Variants in CFAP65 observed in about 807,000 individuals in gnomAD.
The protein encoded by CFAP65 is cilia- and flagella-associated protein 65.
Under a neutral mutation model 208.0 loss-of-function variants are expected in CFAP65, and 155 were observed. The observed-to-expected ratio is 0.75, with a 90% CI of 0.65 to 0.85. The LOEUF (loss-of-function observed/expected upper bound fraction) is 0.85, where lower values mean the gene tolerates loss of function less well. Ranked by LOEUF, CFAP65 falls within the 40% of genes least tolerant of loss-of-function variation. The pLI is 0.00. For missense variants in CFAP65, 2,294 were observed against 2,451.3 expected (o/e 0.94, Z 1.36); for synonymous variants, 970 against 986.3 (o/e 0.98, Z 0.31).
chr2:219,040,858 T>G (rs538895752), intron 1 of CFAP65, among the ~76,000 whole-genome samples: 1 of 152,306 alleles, frequency 6.6e-6, no homozygotes, highest in Non-Finnish European at 1.5e-5. Flanking sequence ...TAGGCAAATT[T>G]CTCCATCTCC....
At chr2:219,030,917 T>A (rs1315576278) in intron 8 of CFAP65, 83 bp from the exon 9 acceptor site, 1 of 1,526,926 alleles carries the variant, frequency 6.5e-7, no homozygotes, top group African/African-American at 1.4e-5. Flanking sequence ...AGAAGGCAGG[T>A]GGCCCCAGGG....
chr2:219,030,647 C>A, intron 9 of CFAP65, 42 bp downstream of exon 9: 1 of 1,596,618 alleles, frequency 6.3e-7, no homozygotes, highest in Non-Finnish European at 8.5e-7. Flanking sequence ...AATTCCAATC[C>A]TGGGGGCGTG....
chr2:219,023,460 C>T (rs1305432621), intron 15 of CFAP65, 29 bp from the exon 16 acceptor site: 10 of 1,478,612 alleles, frequency 6.8e-6, no homozygotes, highest in Admixed American at 2.0e-5. Context: ...GGGCAGTGCC[C>T]TGACCTCACT....
At chr2:219,014,748 G>A (rs1339661643) in intron 21 of CFAP65, 2 of 152,534 alleles carry the variant, frequency 1.3e-5, no homozygotes, top group African/African-American at 4.8e-5. Flanking sequence ...ACACCTGAGA[G>A]AAAGCGCACA....
In CFAP65 at chr2:219,011,574, G is replaced by A. The variant is rs565400468; in HGVS notation, c.3958-578C>T. Among the ~76,000 whole-genome samples the A allele has an allele frequency of 5.1e-4, 78 of 152,216 alleles. 1 individual carries two copies. The highest frequency in any genetic ancestry group is 1.8e-3 in the African/African-American group (74 of 41,536). On this transcript the variant is annotated intron_variant, in intron 24 of 34. Transcript: ENST00000341552. ...TGGGATTACAGGCTTGAGCCACTGC[G>A]CCTGGCCAAGGGAGTTCTGCTTAAA...
rs549936534 is a variant in CFAP65 at position 219,039,012 on chromosome 2, T to C, written c.37A>G (p.Thr13Ala). 12 of 1,613,194 alleles carry C rather than the reference T, an allele frequency of 7.4e-6. No homozygotes were observed. The highest frequency in any genetic ancestry group is 5.0e-5 in the Admixed American group (3 of 59,898). ...TLTGCRLVEK[T>A]QKVENPSVSF... ...ACTGATGGATTCTCCACCTTCTGGG[T>C]TTTCTCCACCAGTCTACAACCGGTT... Residue 13 changes from threonine (T) to alanine (A), a missense_variant, in exon 3 of 35, where the codon ACC becomes GCC. Coordinates refer to ENST00000341552, the MANE Select transcript of CFAP65 (RefSeq NM_194302.4).
Position 219,032,681 on chromosome 2 carries a change from C to A in CFAP65, c.543-109G>T, listed in dbSNP as rs2106244608. The stretch of plus-strand genomic sequence containing the variant: ...CCAAGGGAGCTTGAGTCCCTGGGAC[C>A]ACAGAGAAAGCGATCAGGAGATGAG... On this transcript the variant is annotated intron_variant, in intron 5 of 34. Transcript: ENST00000341552. This position sits in a 1 kb window ranked among gnomAD's most constrained non-coding sequence, Gnocchi z 5.5. 1.1e-6 allele frequency: 1 copy of A among 934,702 alleles called. No individual in the cohort carries two copies. Among genetic ancestry groups the A allele is most frequent in the Non-Finnish European group, 1.6e-6 (1 of 622,310 alleles). 57.9% of individuals were successfully genotyped at this position (934,702 alleles called of 1,614,324 possible).
At chr2:219,027,569 G>A (rs560510871) in intron 13 of CFAP65, 81 bp downstream of exon 13, 9 of 1,612,986 alleles carry the variant, frequency 5.6e-6, no homozygotes, top group East Asian at 4.5e-5. Flanking sequence ...AGCTGCCCTC[G>A]GTCACTTCCT....
Position 219,006,078 on chromosome 2 carries a change from G to C in CFAP65, c.4865C>G (p.Ala1622Gly). The change falls in exon 31 of 35, where the codon GCC becomes GGC. Residue 1622 changes from alanine to glycine, a missense_variant. Around this residue, in one of 2 missense-constraint regions of CFAP65, gnomAD observed 1,427 missense variants for 1,438.7 expected, o/e 0.99. Transcript: ENST00000341552. ...LCLGLTARAH[A>G]TDYFLANFFS... is the part of the protein sequence containing the mutation. ...GAAGTTAGCCAGAAAGTAGTCGGTG[G>C]CATGGGCTCGGGCAGTAAGGCCCAG... The C allele has an allele frequency of 1.9e-6, 3 of 1,613,542 alleles. No individual in the cohort carries two copies. Among genetic ancestry groups the C allele is most frequent in the Non-Finnish European group, 2.5e-6 (3 of 1,180,030 alleles).
In CFAP65 at chr2:219,029,508, G is replaced by A. The variant is rs757533212; in HGVS notation, c.1545C>T (p.Ala515=). 9.9e-6 allele frequency: 16 copies of A among 1,613,984 alleles called. No individual in the cohort carries two copies. The African/African-American group carries it at 1.6e-4, about 16-fold the overall frequency. The change falls in exon 11 of 35, where the codon GCC becomes GCT. Residue 515 remains alanine, a synonymous_variant. Transcript: ENST00000341552. ...GGGCCTTGCCCACCAGCGTCCCAAA[G>A]GCAGGCCTGATGGTAAAGACACTCT... ...CLESVFTIRP[A]FGTLVGKARM...
At position 219,031,477 on chromosome 2, in the gene CFAP65, C is replaced by A; in HGVS notation, c.815+12G>T. ...TCTTGCTCTCCCCGCCGCACCTCAG[C>A]CTCTTCCTCACCCCACATTATCCAG... is the stretch of plus-strand genomic sequence containing the variant. On this transcript the variant is annotated intron_variant, in intron 7 of 34. Transcript: ENST00000341552. The surrounding 1 kb of genome is among the most constrained non-coding windows in gnomAD (Gnocchi z 5.2). The A allele has an allele frequency of 6.2e-7, 1 of 1,614,194 alleles. No homozygotes were observed. The highest frequency in any genetic ancestry group is 1.1e-5 in the South Asian group (1 of 91,086).
intron 10 of CFAP65, 81 bp downstream of exon 10, chr2:219,029,905 T>C (rs1947901133): frequency 2.8e-6 from 4 of 1,406,218 alleles, no homozygotes; most frequent in Middle Eastern, 4.4e-4. Flanking sequence ...CCCCGCCTCC[T>C]AGGAGCAGGG....
rs370293533 is a variant in CFAP65, at chr2:219,032,521, C to T, written c.594G>A (p.Leu198=). The change falls in exon 6 of 35, where the codon CTG becomes CTA. Residue 198 remains leucine (L), a synonymous_variant. Coordinates refer to ENST00000341552, the MANE Select transcript of CFAP65 (RefSeq NM_194302.4). This position sits in a 1 kb window ranked among gnomAD's most constrained non-coding sequence, Gnocchi z 5.5. The part of the protein sequence containing the change: ...FFTVIPQPIF[L]SPGITLTLPI... ...GGAGCGTGAGGGTTATGCCTGGGCT[C>T]AGGAAGATGGGCTGAGGGATGACCG... 2 of 1,607,490 alleles carry T rather than the reference C, an allele frequency of 1.2e-6. No individual in the cohort carries two copies. Among genetic ancestry groups the T allele is most frequent in the Non-Finnish European group, 8.5e-7 (1 of 1,177,144 alleles).
intron 9 of CFAP65, 110 bp downstream of exon 9, chr2:219,030,579 T>C: frequency 7.0e-7 from 1 of 1,421,372 alleles, no homozygotes; most frequent in Middle Eastern, 2.3e-4. Flanking sequence ...TACATGAGGC[T>C]TGGGGCCAAA....
chr2:219,023,461 T>C, intron 15 of CFAP65, 30 bp from the exon 16 acceptor site: 1 of 1,478,052 alleles, frequency 6.8e-7, no homozygotes, highest in Non-Finnish European at 9.2e-7. Flanking sequence ...GGCAGTGCCC[T>C]GACCTCACTC....
At chr2:219,011,615 G>A (rs1227143029) in intron 24 of CFAP65, among the ~76,000 whole-genome samples, 8 of 152,136 alleles carry the variant, frequency 5.3e-5, no homozygotes, top group East Asian at 1.9e-4. Context: ...GTAAGGGGGC[G>A]GAAAAGTCTG....
chr2:219,011,048 C>T (rs1946441175), intron 24 of CFAP65, 52 bp from the exon 25 acceptor site: 1 of 1,526,940 alleles, frequency 6.5e-7, no homozygotes, highest in African/African-American at 1.4e-5. Context: ...CACTGCAAAT[C>T]AGAAAGCCTG....
intron 24 of CFAP65, 114 bp from the exon 25 acceptor site, chr2:219,011,110 T>C: frequency 1.0e-6 from 1 of 952,782 alleles, no homozygotes; most frequent in Non-Finnish European, 1.5e-6. Flanking sequence ...ATGTCACCCT[T>C]TGAGTCTGTG....
rs753549513 is a variant in CFAP65, at chr2:219,027,554, C to T, written c.2211+96G>A. 5 of 1,612,950 alleles carry T rather than the reference C, an allele frequency of 3.1e-6. No homozygotes were observed. In the East Asian group the frequency reaches 1.1e-4, roughly 36 times the overall value. On this transcript the variant is annotated intron_variant, in intron 13 of 34. Coordinates refer to ENST00000341552, the MANE Select transcript of CFAP65 (RefSeq NM_194302.4). Reference sequence around the variant, plus strand: ...AAAGCCTGGCACGCAGAGGATGGAGCCTGAAGCTGCCCTCGGTCACTTCCT... The same window carrying T: ...AAAGCCTGGCACGCAGAGGATGGAGTCTGAAGCTGCCCTCGGTCACTTCCT...
Sources: allele counts gnomAD v4.1 joint callset (sites outside exome capture counted in the v4.1 genomes callset), GRCh38; gene constraint gnomAD v4.1.1; regional missense constraint gnomAD v4.1.1; non-coding constraint Gnocchi (gnomAD v3.1); transcripts MANE v1.5; gene names NCBI Gene and HGNC (gene_info 2026-07-23, HGNC 2026-07-21).